Variants in DAAM1 observed in about 807,000 individuals in gnomAD.
The protein encoded by DAAM1 is dishevelled associated activator of morphogenesis 1.
Under a neutral mutation model 130.0 loss-of-function variants are expected in DAAM1, and 52 were observed. The ratio of observed to expected loss-of-function variants is 0.40; its 90% CI spans 0.32 to 0.50. DAAM1 has a LOEUF of 0.50. Among genes scored for constraint, DAAM1 ranks in the 20% least tolerant of loss-of-function variants. The pLI, the probability that DAAM1 is intolerant of heterozygous loss-of-function variation, is 0.61. For synonymous variants in DAAM1, 452 were observed against 444.5 expected (o/e 1.02, Z -0.21); for missense variants, 1,134 against 1,303.8 (o/e 0.87, Z 2.01).
intron 1 of DAAM1, among the ~76,000 whole-genome samples, chr14:59,256,722 T>C (rs1410796221): frequency 6.6e-6 from 1 of 152,178 alleles, no homozygotes; most frequent in Non-Finnish European, 1.5e-5. Context: ...TTTCAGAAGC[T>C]ATGCATTCCT....
intron 18 of DAAM1, among the ~76,000 whole-genome samples, chr14:59,353,636 G>A (rs1454148039): frequency 2.0e-5 from 3 of 152,148 alleles, no homozygotes; most frequent in African/African-American, 7.2e-5. Flanking sequence ...CTTGATGGGC[G>A]CTAAGGACTC....
At chr14:59,249,634 C>T (rs2139479175) in intron 1 of DAAM1, among the ~76,000 whole-genome samples, 1 of 152,198 alleles carries the variant, frequency 6.6e-6, no homozygotes, top group South Asian at 2.1e-4. Flanking sequence ...TAACTTCATT[C>T]TCATTCTCAA....
At chr14:59,281,561 G>A (rs1883223293) in intron 2 of DAAM1, among the ~76,000 whole-genome samples, 1 of 151,930 alleles carries the variant, frequency 6.6e-6, no homozygotes, top group Non-Finnish European at 1.5e-5. Flanking sequence ...AGGGGAGGTG[G>A]GAAGGTCAGC....
chr14:59,234,649 A>C (rs989659877), intron 1 of DAAM1, among the ~76,000 whole-genome samples: 2 of 151,926 alleles, frequency 1.3e-5, no homozygotes, highest in Admixed American at 1.3e-4. Flanking sequence ...CATGGCCAGA[A>C]CTCCCGATAC....
intron 23 of DAAM1, among the ~76,000 whole-genome samples, chr14:59,365,266 G>A (rs576396508): frequency 1.3e-5 from 2 of 152,106 alleles, no homozygotes; most frequent in Non-Finnish European, 2.9e-5. Context: ...ATGATCACTA[G>A]AATTCCTTGA....
intron 23 of DAAM1, among the ~76,000 whole-genome samples, chr14:59,366,427 CTCCCATTTGCTTTCTATATT>C (rs1357543000): frequency 1.3e-5 from 2 of 152,120 alleles, no homozygotes; most frequent in African/African-American, 4.8e-5. Context: ...GAGGCACTGG[CTCCCATTTGCTTTCTATATT>C]GACCATATGG....
intron 3 of DAAM1, among the ~76,000 whole-genome samples, chr14:59,294,244 C>T (rs1883864397): frequency 6.6e-6 from 1 of 152,222 alleles, no homozygotes; most frequent in South Asian, 2.1e-4. Context: ...AAGCTTGGCT[C>T]AGCCCAGTGT....
At chr14:59,240,381 A>G (rs969277629) in intron 1 of DAAM1, among the ~76,000 whole-genome samples, 1 of 152,182 alleles carries the variant, frequency 6.6e-6, no homozygotes, top group Non-Finnish European at 1.5e-5. Flanking sequence ...TTCCCATCTC[A>G]TTTAGTCAAG....
At chr14:59,363,854 T>TTCTGTACGGGAAA (rs1409020761) in intron 23 of DAAM1, 72 bp downstream of exon 23, 8 of 1,591,338 alleles carry the variant, frequency 5.0e-6, no homozygotes, top group Admixed American at 1.7e-5. Flanking sequence ...TCAGTTATTA[T>TTCTGTACGGGAAA]TCTGTACGGG....
At chr14:59,285,312 G>C (rs1478975154) in intron 2 of DAAM1, among the ~76,000 whole-genome samples, 1 of 152,090 alleles carries the variant, frequency 6.6e-6, no homozygotes, top group African/African-American at 2.4e-5. Context: ...TAAAGGGAGT[G>C]CTAAATATGG....
At chr14:59,281,716 T>C (rs1883228839) in intron 2 of DAAM1, among the ~76,000 whole-genome samples, 1 of 152,184 alleles carries the variant, frequency 6.6e-6, no homozygotes, top group South Asian at 2.1e-4. Flanking sequence ...TATTCATCTT[T>C]GTATTCTTTA....
intron 1 of DAAM1, among the ~76,000 whole-genome samples, chr14:59,203,158 A>ATTTTTTTTTTTTTTTTTTTTTTT (rs57437992): frequency 9.2e-6 from 1 of 108,114 alleles, no homozygotes; most frequent in Non-Finnish European, 1.8e-5. Context: ...CTTCTGGCTA[A>ATTTTTTTTTTTTTTTTTTTTTTT]TTTTTTTTTT....
At chr14:59,231,154 G>A (rs969241788) in intron 1 of DAAM1, among the ~76,000 whole-genome samples, 2 of 152,026 alleles carry the variant, frequency 1.3e-5, no homozygotes, top group African/African-American at 4.8e-5. Context: ...TCAAACATAT[G>A]GCACAGCATA....
At chr14:59,328,487 C>T (rs965665552) in intron 12 of DAAM1, among the ~76,000 whole-genome samples, 2 of 152,150 alleles carry the variant, frequency 1.3e-5, no homozygotes, top group Admixed American at 6.5e-5. Context: ...TTCATTCATT[C>T]GTTCATTCAG....
intron 3 of DAAM1, among the ~76,000 whole-genome samples, chr14:59,300,983 T>C (rs1180839555): frequency 2.0e-5 from 3 of 152,186 alleles, no homozygotes; most frequent in Non-Finnish European, 2.9e-5. Flanking sequence ...AGTTATTGAG[T>C]TGTTTGATAT....
intron 3 of DAAM1, among the ~76,000 whole-genome samples, chr14:59,294,098 C>T (rs1237063845): frequency 6.6e-6 from 1 of 152,182 alleles, no homozygotes; most frequent in Non-Finnish European, 1.5e-5. Context: ...CATTCTCACA[C>T]ATAGTAAAGT....
chr14:59,342,519 AC>A (rs1370802665), intron 16 of DAAM1, among the ~76,000 whole-genome samples: 3 of 152,230 alleles, frequency 2.0e-5, no homozygotes, highest in Admixed American at 6.5e-5. Flanking sequence ...ATTACTATGC[AC>A]AAAAGGAGCT....
intron 2 of DAAM1, chr14:59,263,889 G>A: frequency 1.7e-6 from 1 of 577,882 alleles, no homozygotes; most frequent in East Asian, 3.1e-5. Flanking sequence ...CTTTAAGTGG[G>A]TGGAGGGATT....
At chr14:59,304,082 G>C (rs1258534204) in intron 3 of DAAM1, among the ~76,000 whole-genome samples, 1 of 152,098 alleles carries the variant, frequency 6.6e-6, no homozygotes, top group Admixed American at 6.5e-5. Flanking sequence ...CTTCTCTCTG[G>C]TTCTTGGCTG....
Sources: gnomAD v4.1 joint callset for allele counts (sites outside exome capture counted in the v4.1 genomes callset) on GRCh38, gnomAD v4.1.1 for gene constraint, MANE v1.5 for transcripts, NCBI Gene and HGNC (gene_info 2026-07-23, HGNC 2026-07-21) for gene names.